Variants in ADGRL3 observed in about 807,000 individuals in gnomAD.
ADGRL3 encodes the protein calcium-independent alpha-latrotoxin receptor 3.
Under a neutral mutation model 153.5 loss-of-function variants are expected in ADGRL3, and 62 were observed. That is an observed-to-expected ratio of 0.40 (90% CI 0.33 to 0.50). ADGRL3 has a LOEUF of 0.50. Ranked by LOEUF, ADGRL3 falls within the 20% of genes least tolerant of loss-of-function variation. The probability of loss-of-function intolerance (pLI) is 0.47; values close to 1 mark genes in which losing one functional copy is unlikely to be tolerated. For synonymous variants in ADGRL3, 710 were observed against 672.5 expected, an observed-to-expected ratio of 1.06 and a Z score of -0.86; for missense variants, 1,641 against 1,859.4, an observed-to-expected ratio of 0.88 and a Z score of 2.16.
At chr4:61,321,083 T>TA (rs2095346004) in intron 1 of ADGRL3, among the ~76,000 whole-genome samples, 1 of 152,200 alleles carries the variant, frequency 6.6e-6, no homozygotes, top group Non-Finnish European at 1.5e-5. Flanking sequence ...CCCATGTAGA[T>TA]AATCCTAGAT....
intron 2 of ADGRL3, among the ~76,000 whole-genome samples, chr4:61,454,245 G>C (rs2152535511): frequency 6.6e-6 from 1 of 151,900 alleles, no homozygotes; most frequent in Non-Finnish European, 1.5e-5. Flanking sequence ...AAATTTTGTG[G>C]TCTTGGAGAA....
intron 8 of ADGRL3, among the ~76,000 whole-genome samples, chr4:61,784,627 G>C (rs966665911): frequency 5.9e-5 from 9 of 152,056 alleles, no homozygotes; most frequent in African/African-American, 1.9e-4. Context: ...ATGACACCTA[G>C]AACAAAGGTG....
chr4:61,325,612 CAG>C (rs2095447941), intron 1 of ADGRL3, among the ~76,000 whole-genome samples: 1 of 152,116 alleles, frequency 6.6e-6, no homozygotes, highest in South Asian at 2.1e-4. Flanking sequence ...GACAGGGTAA[CAG>C]AAGAGAAAAA....
At chr4:61,598,957 A>T (rs2099000235) in intron 5 of ADGRL3, among the ~76,000 whole-genome samples, 1 of 152,170 alleles carries the variant, frequency 6.6e-6, no homozygotes, top group Non-Finnish European at 1.5e-5. Flanking sequence ...TATGCCTTTT[A>T]GGGGCCAAGG....
chr4:61,730,675 G>A (rs1208442598), intron 7 of ADGRL3, 39 bp downstream of exon 7: 4 of 472,316 alleles, frequency 8.5e-6, no homozygotes, highest in Non-Finnish European at 1.1e-5. Flanking sequence ...ACTATTTATA[G>A]GCTAAGTTAT....
chr4:62,015,055 G>A (rs2099205249), intron 21 of ADGRL3, among the ~76,000 whole-genome samples: 1 of 152,102 alleles, frequency 6.6e-6, no homozygotes, highest in South Asian at 2.1e-4. Context: ...TAAGACAAAA[G>A]ACTGTATTAA....
chr4:61,637,813 TAG>T (rs2093491491), intron 5 of ADGRL3, among the ~76,000 whole-genome samples: 2 of 151,892 alleles, frequency 1.3e-5, no homozygotes, highest in African/African-American at 4.8e-5. Flanking sequence ...CTAAAAATAG[TAG>T]AGTTATCTGT....
chr4:61,309,658 T>C (rs115436187), intron 1 of ADGRL3, among the ~76,000 whole-genome samples: 3,025 of 152,192 alleles, frequency 0.02, 91 homozygotes, highest in Admixed American at 0.072. Flanking sequence ...AGAGTCTTAA[T>C]TTTTAGATGT....
At chr4:62,016,246 A>AC (rs996473784) in intron 21 of ADGRL3, among the ~76,000 whole-genome samples, 29 of 152,002 alleles carry the variant, frequency 1.9e-4, no homozygotes, top group Middle Eastern at 3.2e-3. Flanking sequence ...ATGGGGTTTC[A>AC]CCATGTTGAC....
rs1746940794 is a variant in ADGRL3, at chr4:61,224,288, A to G, written c.-240+22523A>G. ...ATTTAACATGTGTTTATGTATCTTA[A>G]TTTGGGTCTTTATTGCCGTTAAATA... On this transcript the variant is annotated intron_variant, in intron 1 of 26. Transcript: ENST00000683033. 1.3e-5 allele frequency among the ~76,000 whole-genome samples: 2 copies of G among 152,054 alleles called. 1 individual carries two copies. The highest frequency in any genetic ancestry group is 4.2e-4 in the South Asian group (2 of 4,818).
chr4:61,767,087 G>A (rs536025501), intron 8 of ADGRL3, among the ~76,000 whole-genome samples: 1,884 of 152,012 alleles, frequency 0.012, 46 homozygotes, highest in African/African-American at 0.042. Context: ...TAATGAGATG[G>A]TAAGGGGTGC....
At chr4:61,655,222 A>G (rs1404400193) in intron 5 of ADGRL3, among the ~76,000 whole-genome samples, 2 of 152,154 alleles carry the variant, frequency 1.3e-5, no homozygotes, top group Non-Finnish European at 2.9e-5. Context: ...TGAAGACTAG[A>G]TGAGGTTAAG....
chr4:61,383,299 A>G (rs1472342447), intron 2 of ADGRL3, 110 bp downstream of exon 2: 1 of 151,746 alleles, frequency 6.6e-6, no homozygotes, highest in Non-Finnish European at 1.5e-5. Context: ...AAACATCAGC[A>G]TATTTGTAAT....
chr4:61,408,442 T>G (rs2097032992), intron 2 of ADGRL3, among the ~76,000 whole-genome samples: 1 of 151,760 alleles, frequency 6.6e-6, no homozygotes, highest in Non-Finnish European at 1.5e-5. Context: ...CTCTGCTCCC[T>G]TTTAAAGACT....
chr4:61,929,430 G>C (rs1424662734), intron 13 of ADGRL3, among the ~76,000 whole-genome samples: 1 of 152,206 alleles, frequency 6.6e-6, no homozygotes, highest in Non-Finnish European at 1.5e-5. Flanking sequence ...ATTCTCTGAA[G>C]TGAGACTAAT....
intron 13 of ADGRL3, among the ~76,000 whole-genome samples, chr4:61,915,309 A>AAT (rs1166966112): frequency 6.7e-6 from 1 of 148,378 alleles, no homozygotes; most frequent in Non-Finnish European, 1.5e-5. Flanking sequence ...TGTATATATA[A>AAT]ATATATATCA....
intron 4 of ADGRL3, among the ~76,000 whole-genome samples, chr4:61,570,711 T>C (rs1451254802): frequency 6.6e-6 from 1 of 152,176 alleles, no homozygotes; most frequent in African/African-American, 2.4e-5. Flanking sequence ...TTCCATTTAT[T>C]TCCTTCTGTG....
chr4:61,932,447 C>A (rs1331550479), intron 13 of ADGRL3, among the ~76,000 whole-genome samples: 1 of 152,032 alleles, frequency 6.6e-6, no homozygotes, highest in Non-Finnish European at 1.5e-5. Context: ...ATGTGATATC[C>A]TTTATTCTGT....
intron 5 of ADGRL3, among the ~76,000 whole-genome samples, chr4:61,621,193 T>C (rs2092484812): frequency 6.6e-6 from 1 of 152,210 alleles, no homozygotes; most frequent in African/African-American, 2.4e-5. Context: ...TTTCTTACTT[T>C]CTTTTTTCTA....
Sources: gnomAD v4.1 joint callset for allele counts (sites outside exome capture counted in the v4.1 genomes callset) on GRCh38, gnomAD v4.1.1 for gene constraint, MANE v1.5 for transcripts, NCBI Gene and HGNC (gene_info 2026-07-23, HGNC 2026-07-21) for gene names.